The following CYBB variants were observed in gnomAD, a reference collection of about 807,000 sequenced individuals.
The protein encoded by CYBB is cytochrome b-245 beta chain.
A neutral mutation model predicts 46.5 loss-of-function variants in CYBB; 5 were observed. The observed-to-expected ratio is 0.11, with a 90% CI of 0.06 to 0.23. CYBB has a LOEUF of 0.23. Ranked by LOEUF, CYBB falls within the 10% of genes least tolerant of loss-of-function variation. CYBB has a pLI of 1.00. For synonymous variants in CYBB, 183 were observed against 156.7 expected (o/e 1.17, Z -1.26); for missense variants, 307 against 428.3 (o/e 0.72, Z 2.50).
chrX:37,782,252 T>C, intron 2 of CYBB, 69 bp downstream of exon 2: 1 of 750,852 alleles, frequency 1.3e-6, no homozygotes, highest in Admixed American at 2.3e-5. Context: ...CTTGTTCATC[T>C]TCCTGTTAGC....
intron 7 of CYBB, among the ~76,000 whole-genome samples, chrX:37,799,357 T>C (rs1404601777): frequency 8.9e-6 from 1 of 111,902 alleles, no homozygotes; most frequent in Admixed American, 9.5e-5. Context: ...AGAAGTTCCA[T>C]CTCTTTTCTT....
chrX:37,809,158 CA>C (rs1319723755), intron 11 of CYBB, among the ~76,000 whole-genome samples: 1 of 112,001 alleles, frequency 8.9e-6, no homozygotes, highest in Non-Finnish European at 1.9e-5. Context: ...GTAATTCTCC[CA>C]AAGGAGTGGA....
chrX:37,801,396 A>C, intron 8 of CYBB, 48 bp downstream of exon 8: 7 of 862,326 alleles, frequency 8.1e-6, no homozygotes, highest in East Asian at 3.1e-5. Context: ...TAACTATATC[A>C]TGGACAAGTC....
Position 37,806,462 on chromosome X carries a change from C to A in CYBB, c.1390C>A (p.Gln464Lys), listed in dbSNP as rs888398731. ...FADLLQLLES[Q>K]MQERNNAGFL... is the part of the protein sequence containing the mutation. ...AGATCTGCTGCAACTGCTGGAGAGC[C>A]AGATGCAGGAAAGGAACAATGCCGG... Residue 464 changes from glutamine to lysine, a missense_variant, in exon 11 of 13, where the codon CAG (glutamine) becomes AAG (lysine). Physicochemically the swap from Gln to Lys is moderately conservative, Grantham distance 53. This residue lies in a region of CYBB where 122 missense variants were observed against 208.3 expected (regional missense o/e 0.59). Transcript: ENST00000378588. The A allele has an allele frequency of 4.1e-6, 5 of 1,210,324 alleles. No homozygotes were observed. The highest frequency in any genetic ancestry group is 1.7e-5 in the African/African-American group (1 of 57,710).
At chrX:37,788,142 G>T (rs1245778410) in intron 3 of CYBB, among the ~76,000 whole-genome samples, 1 of 111,785 alleles carries the variant, frequency 8.9e-6, no homozygotes, top group Non-Finnish European at 1.9e-5. Flanking sequence ...CTATCAGGGG[G>T]CATCAACATA....
rs749109015 is a variant in CYBB, at chrX:37,811,651, A to G, written c.*734A>G. 5.3e-5 allele frequency: 6 copies of G among 112,405 alleles called. No homozygotes were observed. The highest frequency in any genetic ancestry group is 1.9e-4 in the African/African-American group (6 of 30,919). The allele number at this position is 112,405 out of a possible 1,213,427, so 9.3% of individuals were successfully genotyped here. On this transcript the variant is annotated 3_prime_UTR_variant, in exon 13 of 13. Coordinates refer to ENST00000378588, the MANE Select transcript of CYBB (RefSeq NM_000397.4). ...TCAAGTAAGTTTTGTTAAATGAATG[A>G]ATGAATTTAGAACCACACAATGCCA... is the stretch of plus-strand genomic sequence containing the variant.
chrX:37,785,090 T>C (rs1255527329), intron 3 of CYBB, among the ~76,000 whole-genome samples: 7 of 112,532 alleles, frequency 6.2e-5, no homozygotes, highest in Non-Finnish European at 1.1e-4. Flanking sequence ...AATTTAGCTT[T>C]TATTTTATGA....
At position 37,801,666 on chromosome X, in the gene CYBB, G is replaced by A. The variant is rs35839491; in HGVS notation, c.897+318G>A. ...TGTCTGTGTGTTTGTGGAGGGGAAG[G>A]CGACAGAGGCATTATTTGGTTAGTT... On this transcript the variant is annotated intron_variant, in intron 8 of 12. Coordinates refer to ENST00000378588, the MANE Select transcript of CYBB (RefSeq NM_000397.4). Among the ~76,000 whole-genome samples, 405 of 107,007 alleles carry A rather than the reference G, an allele frequency of 3.8e-3. 3 individuals carry two copies. Among genetic ancestry groups the A allele is most frequent in the African/African-American group, 0.013 (370 of 29,327 alleles). 92.9% of individuals were successfully genotyped at this position (107,007 alleles called of 115,157 possible).
chrX:37,803,821 A>G (rs1556470719), intron 8 of CYBB, 56 bp from the exon 9 acceptor site: 1 of 1,186,430 alleles, frequency 8.4e-7, no homozygotes, highest in Non-Finnish European at 1.1e-6. Flanking sequence ...TATGGACACT[A>G]AAAAGGCAAG....
In CYBB at chrX:37,785,158, A is replaced by G. The variant is rs141008844; in HGVS notation, c.252+1558A>G. On this transcript the variant is annotated intron_variant, in intron 3 of 12. Transcript: ENST00000378588. Reference sequence around the variant, plus strand: ...AACCAACTGCCAAAATTGGGCTCTCACAAATCTAAAGTACAAGTTGGCAGA... The same window carrying G: ...AACCAACTGCCAAAATTGGGCTCTCGCAAATCTAAAGTACAAGTTGGCAGA... 2.7e-5 allele frequency among the ~76,000 whole-genome samples: 3 copies of G among 112,465 alleles called. No individual in the cohort carries two copies. The East Asian group carries it at 8.3e-4, about 31-fold the overall frequency.
chrX:37,807,526 A>G (rs1390489053), intron 11 of CYBB, among the ~76,000 whole-genome samples: 10 of 110,208 alleles, frequency 9.1e-5, no homozygotes, highest in Non-Finnish European at 1.9e-4. Context: ...CACCAACCCT[A>G]TGAAGTAGCT....
rs1226125606 is a variant in CYBB, at chrX:37,806,870, G to GTC, written c.1461+343_1461+344dup. ...TCTCTTTCTCTCTGTCTCTCTCTCT[G>GTC]TCTCTCTGTCTCTCTCTCTCTGTCT... is the stretch of plus-strand genomic sequence containing the variant. On this transcript the variant is annotated intron_variant, in intron 11 of 12. Coordinates refer to ENST00000378588, the MANE Select transcript of CYBB (RefSeq NM_000397.4). 2.1e-3 allele frequency among the ~76,000 whole-genome samples: 215 copies of GTC among 104,464 alleles called. 2 individuals are homozygous for GTC. Among genetic ancestry groups the GTC allele is most frequent in the African/African-American group, 7.9e-3 (202 of 25,502 alleles). The allele number at this position is 104,464 out of a possible 115,157, so 90.7% of individuals were successfully genotyped here.
At chrX:37,789,526 A>AAAATAAATAAATAAATAAATAAATAAAT (rs59209229) in intron 3 of CYBB, among the ~76,000 whole-genome samples, 360 of 104,304 alleles carry the variant, frequency 3.5e-3, no homozygotes, top group South Asian at 8.3e-3. Context: ...AGAAAGAAAG[A>AAAATAAATAAATAAATAAATAAATAAAT]AAATAAATAA....
chrX:37,804,618 T>C (rs1929512801), intron 9 of CYBB, among the ~76,000 whole-genome samples: 1 of 110,821 alleles, frequency 9.0e-6, no homozygotes, highest in Admixed American at 9.6e-5. Context: ...AGACATTAAA[T>C]CTACAAGATG....
intron 3 of CYBB, among the ~76,000 whole-genome samples, chrX:37,790,661 C>A (rs1041714085): frequency 1.8e-5 from 2 of 111,535 alleles, no homozygotes; most frequent in African/African-American, 6.5e-5. Context: ...CTAGTTATGG[C>A]TAACTGAGAG....
chrX:37,803,848 C>T, intron 8 of CYBB, 29 bp from the exon 9 acceptor site: 1 of 1,206,164 alleles, frequency 8.3e-7, no homozygotes, highest in South Asian at 1.8e-5. Flanking sequence ...GGAAAAATGT[C>T]ATTTCCAGAC....
chrX:37,791,922 G>A, intron 3 of CYBB, 53 bp from the exon 4 acceptor site: 1 of 948,453 alleles, frequency 1.1e-6, no homozygotes, highest in East Asian at 3.1e-5. Flanking sequence ...TTGACACATA[G>A]CAAGCTTTCC....
In CYBB at chrX:37,812,201, T is replaced by C. The variant is rs1929690878; in HGVS notation, c.*1284T>C. ...CTCAATAGTATGTTCTGAATATATGTTCAAGAGAGAGTCTCTAAATCACTG... is the reference window on the plus strand; with the variant it reads ...CTCAATAGTATGTTCTGAATATATGCTCAAGAGAGAGTCTCTAAATCACTG... On this transcript the variant is annotated 3_prime_UTR_variant, in exon 13 of 13. Coordinates refer to ENST00000378588, the MANE Select transcript of CYBB (RefSeq NM_000397.4). 8.9e-6 allele frequency: 1 copy of C among 112,277 alleles called. No individual in the cohort carries two copies. Among genetic ancestry groups the C allele is most frequent in the African/African-American group, 3.2e-5 (1 of 30,855 alleles). 9.3% of individuals were successfully genotyped at this position (112,277 alleles called of 1,213,427 possible).
At chrX:37,786,168 A>G (rs1429727019) in intron 3 of CYBB, among the ~76,000 whole-genome samples, 1 of 112,341 alleles carries the variant, frequency 8.9e-6, no homozygotes, top group Non-Finnish European at 1.9e-5. Context: ...GATTAAAATG[A>G]GTGAGTGTGC....
Sources: gnomAD v4.1 joint callset for allele counts (sites outside exome capture counted in the v4.1 genomes callset) on GRCh38, gnomAD v4.1.1 for gene constraint, gnomAD v4.1.1 regional missense constraint, MANE v1.5 for transcripts, NCBI Gene and HGNC (gene_info 2026-07-23, HGNC 2026-07-21) for gene names.